FMN2: variants seen among roughly 807,000 people sequenced by gnomAD.
FMN2 encodes the protein formin-2.
In FMN2, 51 loss-of-function variants were observed where a neutral mutation model predicts 142.3. The observed-to-expected ratio is 0.36, with a 90% CI of 0.29 to 0.45. FMN2 has a LOEUF of 0.45. Among genes scored for constraint, FMN2 ranks in the 20% least tolerant of loss-of-function variants. The pLI is 1.00. For missense variants in FMN2, 1,936 were observed against 2,122.8 expected (o/e 0.91, Z 1.73); for synonymous variants, 882 against 869.8 (o/e 1.01, Z -0.25).
chr1:240,306,479 C>T (rs1443477498), intron 8 of FMN2, among the ~76,000 whole-genome samples: 2 of 152,014 alleles, frequency 1.3e-5, no homozygotes, highest in Non-Finnish European at 2.9e-5. Flanking sequence ...TTATGTGAAC[C>T]CAAAATTTAA....
At chr1:240,441,953 G>C (rs1244517038) in intron 16 of FMN2, among the ~76,000 whole-genome samples, 1 of 152,146 alleles carries the variant, frequency 6.6e-6, no homozygotes, top group Admixed American at 6.6e-5. Flanking sequence ...GAGACAGAGA[G>C]AGAGAGAGAA....
intron 2 of FMN2, among the ~76,000 whole-genome samples, chr1:240,148,500 GGA>G (rs61327753): frequency 0.46 from 69,363 of 151,284 alleles, 17,125 homozygotes; most frequent in South Asian, 0.65. Flanking sequence ...GAGAAAGAGA[GGA>G]GAGAGAGAAG....
chr1:240,335,836 A>T (rs1251839111), intron 13 of FMN2, among the ~76,000 whole-genome samples: 1 of 152,162 alleles, frequency 6.6e-6, no homozygotes, highest in Admixed American at 6.6e-5. Flanking sequence ...AACACCAGAT[A>T]GTGGGTTTGA....
Position 240,092,007 on chromosome 1 carries a change from G to A in FMN2, c.-103G>A, listed in dbSNP as rs1660987734. ...CCTCCCAGCGGCTCCCCCCGCCGCCGCCTGACTCTCCCGGGAGACTCCCTA... is the reference window on the plus strand; with the variant it reads ...CCTCCCAGCGGCTCCCCCCGCCGCCACCTGACTCTCCCGGGAGACTCCCTA... On this transcript the variant is annotated 5_prime_UTR_variant, in exon 1 of 18. Transcript: ENST00000319653. 7.2e-7 allele frequency: 1 copy of A among 1,385,994 alleles called. No homozygotes were observed. The highest frequency in any genetic ancestry group is 9.3e-7 in the Non-Finnish European group (1 of 1,079,542). 85.9% of individuals were successfully genotyped at this position (1,385,994 alleles called of 1,614,324 possible). A position where few individuals can be genotyped will look rare whatever the true frequency, so the allele number is the denominator to read the frequency against.
rs183404661 is a variant in FMN2 at position 240,126,372 on chromosome 1, C to G, written c.1782+3027C>G. On this transcript the variant is annotated intron_variant, in intron 2 of 17. Transcript: ENST00000319653. The stretch of plus-strand genomic sequence containing the variant: ...TGGTACCCTTCCTACCTACCCCCCC[C>G]CACTTTGTTCCCTTCCCTGATGGGT... Among the ~76,000 whole-genome samples, 463 of 151,490 alleles carry G rather than the reference C, an allele frequency of 3.1e-3. 3 individuals are homozygous for G. Among genetic ancestry groups the G allele is most frequent in the African/African-American group, 0.011 (441 of 41,146 alleles).
chr1:240,112,831 G>T (rs1426209961), intron 1 of FMN2, among the ~76,000 whole-genome samples: 1 of 152,142 alleles, frequency 6.6e-6, no homozygotes, highest in Non-Finnish European at 1.5e-5. Flanking sequence ...GGCTGACCCT[G>T]TGGTCCGGGC....
rs1246006246 is a variant in FMN2 at position 240,167,515 on chromosome 1, CTTTTACATTTGTCA to C, written c.1783-10381_1783-10368del. 3.0e-4 allele frequency among the ~76,000 whole-genome samples: 45 copies of C among 152,222 alleles called. No individual in the cohort carries two copies. In the East Asian group the frequency reaches 4.1e-3, roughly 14 times the overall value. ...AATCTTTTGATGTTATCTTATTATT[CTTTTACATTTGTCA>C]TTTTACATTTGTCATTTTACATTTC... On this transcript the variant is annotated intron_variant, in intron 2 of 17. Coordinates refer to ENST00000319653, the MANE Select transcript of FMN2 (RefSeq NM_020066.5).
intron 1 of FMN2, among the ~76,000 whole-genome samples, chr1:240,122,973 C>A (rs558866710): frequency 6.6e-6 from 1 of 152,282 alleles, no homozygotes; most frequent in East Asian, 1.9e-4. Flanking sequence ...GATGAGAGAG[C>A]AAACCAGTTC....
intron 7 of FMN2, among the ~76,000 whole-genome samples, chr1:240,269,644 A>G (rs1215664571): frequency 6.6e-6 from 1 of 152,044 alleles, no homozygotes; most frequent in Non-Finnish European, 1.5e-5. Context: ...TAGTATGGCC[A>G]TTTTAACAAT....
intron 14 of FMN2, among the ~76,000 whole-genome samples, chr1:240,367,213 G>A (rs1672701640): frequency 1.3e-5 from 2 of 152,030 alleles, no homozygotes; most frequent in African/African-American, 4.8e-5. Flanking sequence ...CACATTTATA[G>A]TTGTTTCCTT....
At chr1:240,347,162 G>C (rs1343237982) in intron 13 of FMN2, among the ~76,000 whole-genome samples, 2 of 152,190 alleles carry the variant, frequency 1.3e-5, no homozygotes, top group Non-Finnish European at 2.9e-5. Context: ...TTAACATAGA[G>C]AATGAAGTTA....
chr1:240,360,442 A>AT (rs1672423677), intron 14 of FMN2, among the ~76,000 whole-genome samples: 1 of 152,090 alleles, frequency 6.6e-6, no homozygotes, highest in Non-Finnish European at 1.5e-5. Flanking sequence ...TGATACTTCT[A>AT]TTTTTATCCA....
rs1240398343 is a variant in FMN2 at position 240,438,122 on chromosome 1, C to T, written c.4972C>T (p.Pro1658Ser). The change falls in exon 16 of 18, where the codon CCA (proline) becomes TCA (serine). Residue 1658 changes from proline to serine, a missense_variant. Pro to Ser is a moderately conservative substitution (Grantham distance 74). Coordinates refer to ENST00000319653, the MANE Select transcript of FMN2 (RefSeq NM_020066.5). Reference protein sequence around the residue: ...KPKLGEKEVSPNAFFSIWHEF... With the variant: ...KPKLGEKEVSSNAFFSIWHEF... ...AAAACTTGGAGAGAAGGAGGTGTCC[C>T]CAAATGCTTTCTTCAGTATCTGGCA... 1 of 1,614,046 alleles carries T rather than the reference C, an allele frequency of 6.2e-7. No homozygotes were observed. Among genetic ancestry groups the T allele is most frequent in the East Asian group, 2.2e-5 (1 of 44,882 alleles).
At chr1:240,273,990 C>G (rs550063244) in intron 7 of FMN2, among the ~76,000 whole-genome samples, 14 of 152,178 alleles carry the variant, frequency 9.2e-5, no homozygotes, top group Admixed American at 8.5e-4. Flanking sequence ...AAGAAAGATG[C>G]CAGCATTGAC....
intron 1 of FMN2, among the ~76,000 whole-genome samples, chr1:240,100,471 T>C (rs1439190126): frequency 2.0e-5 from 3 of 152,248 alleles, no homozygotes; most frequent in African/African-American, 7.2e-5. Flanking sequence ...AAGGCTTTTT[T>C]ATCTTAAAAT....
chr1:240,275,080 GTT>G (rs202193888), intron 7 of FMN2, among the ~76,000 whole-genome samples: 33,272 of 141,004 alleles, frequency 0.24, 4,673 homozygotes, highest in East Asian at 0.53. Flanking sequence ...TTTTTTTTAA[GTT>G]TTTTTTTTTT....
At chr1:240,354,203 C>T (rs755632632) in intron 13 of FMN2, among the ~76,000 whole-genome samples, 2 of 151,820 alleles carry the variant, frequency 1.3e-5, no homozygotes, top group Non-Finnish European at 2.9e-5. Context: ...GATGAGAAGC[C>T]AAGGGTAAGA....
At chr1:240,338,963 C>G (rs1400085227) in intron 13 of FMN2, among the ~76,000 whole-genome samples, 1 of 152,168 alleles carries the variant, frequency 6.6e-6, no homozygotes, top group Non-Finnish European at 1.5e-5. Flanking sequence ...TCCTAAGGAG[C>G]ATTCAACCGA....
chr1:240,368,689 C>A (rs368475404), intron 14 of FMN2, among the ~76,000 whole-genome samples: 7 of 151,776 alleles, frequency 4.6e-5, no homozygotes, highest in African/African-American at 1.7e-4. Context: ...GGTCATTTTG[C>A]ACTGTGTTGT....
Sources: gnomAD v4.1 joint callset for allele counts (sites outside exome capture counted in the v4.1 genomes callset) on GRCh38, gnomAD v4.1.1 for gene constraint, MANE v1.5 for transcripts, NCBI Gene and HGNC (gene_info 2026-07-23, HGNC 2026-07-21) for gene names.